Variants in TBP observed in about 807,000 individuals in gnomAD.
TBP encodes TATA-box-binding protein.
TBP carries 12 observed loss-of-function variants against 46.2 expected under a neutral mutation model. The observed-to-expected ratio is 0.26, with a 90% CI of 0.17 to 0.42. The LOEUF is 0.42. TBP is among the 10% of genes least tolerant of loss of function. TBP has a pLI of 1.00. For missense variants in TBP, 229 were observed against 403.1 expected (o/e 0.57, Z 3.70); for synonymous variants, 157 against 148.3 (o/e 1.06, Z -0.42).
At position 170,572,543 on chromosome 6, in the gene TBP, C is replaced by T. The variant is rs890235350; in HGVS notation, c.*278C>T. Reference sequence around the variant, plus strand: ...CATTTATTTATATGTAGATTTTAAACACTGCTGTTGACAAGTTGGTTTGAG... The same window carrying T: ...CATTTATTTATATGTAGATTTTAAATACTGCTGTTGACAAGTTGGTTTGAG... On this transcript the variant is annotated 3_prime_UTR_variant, in exon 8 of 8. Transcript: ENST00000392092. The T allele has an allele frequency of 7.9e-6, 3 of 381,424 alleles. No individual in the cohort carries two copies. Among genetic ancestry groups the T allele is most frequent in the Admixed American group, 4.4e-5 (1 of 22,614 alleles). The allele number at this position is 381,424 out of a possible 1,614,324, so 23.6% of individuals were successfully genotyped here.
At chr6:170,571,033 G>A (rs554899642) in intron 6 of TBP, among the ~76,000 whole-genome samples, 1 of 152,204 alleles carries the variant, frequency 6.6e-6, no homozygotes, top group East Asian at 1.9e-4. Flanking sequence ...TGATTATTAG[G>A]ACTGTAATAG....
At chr6:170,560,157 T>G (rs987264378) in intron 2 of TBP, among the ~76,000 whole-genome samples, 1 of 152,218 alleles carries the variant, frequency 6.6e-6, no homozygotes, top group African/African-American at 2.4e-5. Context: ...ATATATCCAT[T>G]CTTCAGCCCA....
intron 2 of TBP, among the ~76,000 whole-genome samples, 169 bp downstream of exon 2, chr6:170,557,252 G>A (rs74927771): frequency 0.043 from 6,526 of 152,270 alleles, 172 homozygotes; most frequent in Middle Eastern, 0.085. Context: ...AGGCACAATG[G>A]TGTTTATTTG....
chr6:170,572,297 C>G lies in TBP; in HGVS notation c.*32C>G. On this transcript the variant is annotated 3_prime_UTR_variant, in exon 8 of 8. Transcript: ENST00000392092. ...TCATGTACCCTTGCCTCCCCCACCC[C>G]CTTCTTTTTTTTTTTTTAAACAAAT... The G allele has an allele frequency of 1.3e-6, 2 of 1,528,542 alleles. No homozygotes were observed. Among genetic ancestry groups the G allele is most frequent in the Non-Finnish European group, 1.8e-6 (2 of 1,119,370 alleles). 94.7% of individuals were successfully genotyped at this position (1,528,542 alleles called of 1,614,324 possible). A position where few individuals can be genotyped will look rare whatever the true frequency, so the allele number is the denominator to read the frequency against.
intron 3 of TBP, among the ~76,000 whole-genome samples, chr6:170,562,769 G>A (rs769627711): frequency 6.6e-6 from 1 of 152,170 alleles, no homozygotes; most frequent in South Asian, 2.1e-4. Context: ...TGTAGTAGGG[G>A]TAGGAAATAA....
At chr6:170,568,302 T>C (rs1304481455) in intron 5 of TBP, among the ~76,000 whole-genome samples, 1 of 152,204 alleles carries the variant, frequency 6.6e-6, no homozygotes, top group Admixed American at 6.5e-5. Flanking sequence ...ATATTGTATA[T>C]GTAGTTGGAT....
intron 1 of TBP, among the ~76,000 whole-genome samples, chr6:170,555,110 A>G (rs964365262): frequency 1.3e-5 from 2 of 152,240 alleles, no homozygotes; most frequent in Non-Finnish European, 2.9e-5. Context: ...CCAGGAGATG[A>G]AGATACCCAG....
chr6:170,561,994 GCAGCAGCAGCAGCAGCAGCAGCAA>G lies in TBP; in HGVS notation c.262_285del (p.Gln88_Gln95del). The G allele has an allele frequency of 9.4e-6, 15 of 1,603,118 alleles. No homozygotes were observed. In the South Asian group the frequency reaches 1.7e-4, roughly 18 times the overall value. ...AGCAGCAGCAGCAGCAGCAGCAGCAGCAGCAGCAGCAGCAGCAGCAGCAACAGGCAGTGGCAGCTGCAGCCGTTC... is the reference window on the plus strand; with the variant it reads ...AGCAGCAGCAGCAGCAGCAGCAGCAGCAGGCAGTGGCAGCTGCAGCCGTTC... On this transcript the variant is annotated inframe_deletion, in exon 3 of 8. Coordinates refer to ENST00000392092, the MANE Select transcript of TBP (RefSeq NM_003194.5).
intron 2 of TBP, among the ~76,000 whole-genome samples, chr6:170,561,021 G>A (rs1779129217): frequency 6.6e-6 from 1 of 152,294 alleles, no homozygotes; most frequent in African/African-American, 2.4e-5. Flanking sequence ...GAAAGGAAGA[G>A]TCAGTCAGTG....
At position 170,562,015 on chromosome 6, in the gene TBP, G is replaced by A. The variant is rs149441883; in HGVS notation, c.279G>A (p.Gln93=). The change falls in exon 3 of 8, where the codon CAG becomes CAA. Residue 93 remains glutamine, a synonymous_variant. Coordinates refer to ENST00000392092, the MANE Select transcript of TBP (RefSeq NM_003194.5). ...QQQQQQQQQQ[Q]QQAVAAAAVQ... is the part of the protein sequence containing the mutation. ...AGCAGCAGCAGCAGCAGCAGCAGCA[G>A]CAACAGGCAGTGGCAGCTGCAGCCG... 1.2e-4 allele frequency: 192 copies of A among 1,601,888 alleles called. No homozygotes were observed. Among genetic ancestry groups the A allele is most frequent in the African/African-American group, 4.5e-4 (33 of 73,962 alleles).
intron 6 of TBP, among the ~76,000 whole-genome samples, 158 bp from the exon 7 acceptor site, chr6:170,571,252 T>C (rs1445205643): frequency 6.6e-6 from 1 of 152,254 alleles, no homozygotes; most frequent in Non-Finnish European, 1.5e-5. Context: ...CCTCACTTGC[T>C]TTAATTATTC....
At chr6:170,556,834 AG>A (rs1183181725) in intron 1 of TBP, 47 bp from the exon 2 acceptor site, 2 of 582,336 alleles carry the variant, frequency 3.4e-6, no homozygotes, top group Non-Finnish European at 6.1e-6. Flanking sequence ...AGGACTGTAC[AG>A]GTTACCTGGA....
intron 7 of TBP, 31 bp downstream of exon 7, chr6:170,571,535 G>A (rs1308620512): frequency 1.3e-6 from 2 of 1,513,908 alleles, no homozygotes; most frequent in Non-Finnish European, 1.8e-6. Flanking sequence ...GTATCTGAAA[G>A]TTTGTAAGTG....
Position 170,561,952 on chromosome 6 carries a change from A to ACAGCAACAGCAGCAGCAG in TBP, c.222_239dup (p.Gln90_Gln95dup). 2 of 208,714 alleles carry ACAGCAACAGCAGCAGCAG rather than the reference A, an allele frequency of 9.6e-6. No individual in the cohort carries two copies. The highest frequency in any genetic ancestry group is 1.2e-5 in the Non-Finnish European group (2 of 164,258). The allele number at this position is 208,714 out of a possible 1,614,324, so 12.9% of individuals were successfully genotyped here. A position where few individuals can be genotyped will look rare whatever the true frequency, so the allele number is the denominator to read the frequency against. On this transcript the variant is annotated inframe_insertion, in exon 3 of 8. Coordinates refer to ENST00000392092, the MANE Select transcript of TBP (RefSeq NM_003194.5). ...AGCAGCAGCAGCAGCAGCAGCAGCAACAGCAACAGCAGCAGCAGCAGCAGC... is the reference window on the plus strand; with the variant it reads ...AGCAGCAGCAGCAGCAGCAGCAGCAACAGCAACAGCAGCAGCAGCAGCAACAGCAGCAGCAGCAGCAGC...
At chr6:170,554,601 C>G (rs1043672282) in intron 1 of TBP, 138 bp downstream of exon 1, 1 of 152,752 alleles carries the variant, frequency 6.5e-6, no homozygotes, top group African/African-American at 2.4e-5. Flanking sequence ...TTCGTGCTGC[C>G]GCCGTTCCGG....
rs150312586 is a variant in TBP, at chr6:170,561,815, A to G, written c.79A>G (p.Ile27Val). The G allele has an allele frequency of 3.6e-5, 58 of 1,610,478 alleles. No homozygotes were observed. The highest frequency in any genetic ancestry group is 4.4e-5 in the South Asian group (4 of 91,060). ...GGGTGCCATGACTCCCGGAATCCCT[A>G]TCTTTAGTCCAATGATGCCTTATGG... ...PQGAMTPGIP[I>V]FSPMMPYGTG... is the part of the protein sequence containing the mutation. Residue 27 changes from isoleucine to valine, a missense_variant, in exon 3 of 8, where the codon ATC becomes GTC. Around this residue, in one of 4 missense-constraint regions of TBP, gnomAD observed 49 missense variants for 94.7 expected, o/e 0.52. Transcript: ENST00000392092.
intron 5 of TBP, among the ~76,000 whole-genome samples, chr6:170,569,267 G>A (rs191927060): frequency 3.3e-4 from 50 of 152,322 alleles, no homozygotes; most frequent in Admixed American, 1.5e-3. Flanking sequence ...AACATTTTCT[G>A]ATCAAAATGA....
At chr6:170,557,986 A>AT in intron 2 of TBP, among the ~76,000 whole-genome samples, 2 of 152,240 alleles carry the variant, frequency 1.3e-5, no homozygotes, top group African/African-American at 4.8e-5. Flanking sequence ...ATCAGAGTGT[A>AT]TGCTTTTTTG....
chr6:170,570,664 C>A (rs1779351054), intron 6 of TBP, among the ~76,000 whole-genome samples: 1 of 152,126 alleles, frequency 6.6e-6, no homozygotes, highest in Non-Finnish European at 1.5e-5. Flanking sequence ...GAAACCTCGT[C>A]TTTACTAAAA....
Sources: allele counts gnomAD v4.1 joint callset (sites outside exome capture counted in the v4.1 genomes callset), GRCh38; gene constraint gnomAD v4.1.1; regional missense constraint gnomAD v4.1.1; transcripts MANE v1.5; gene names NCBI Gene and HGNC (gene_info 2026-07-23, HGNC 2026-07-21).